UBR4: variants seen among roughly 807,000 people sequenced by gnomAD.
The protein encoded by UBR4 is E3 ubiquitin-protein ligase UBR4.
Under a neutral mutation model 575.6 loss-of-function variants are expected in UBR4, and 124 were observed. The observed-to-expected ratio is 0.22, with a 90% CI of 0.19 to 0.25. The LOEUF is 0.25. UBR4 is among the 10% of genes least tolerant of loss of function. The pLI is 1.00. For synonymous variants in UBR4, 2,455 were observed against 2,473.7 expected, an observed-to-expected ratio of 0.99 and a Z score of 0.22; for missense variants, 4,818 against 6,478.8, an observed-to-expected ratio of 0.74 and a Z score of 8.80.
intron 29 of UBR4, among the ~76,000 whole-genome samples, chr1:19,166,714 CAAAAAAAAAAAAAAAAAAAAAAAAA>C (rs535369262): frequency 0.23 from 16,776 of 73,856 alleles, 1,444 homozygotes; most frequent in Middle Eastern, 0.36. Flanking sequence ...CCATCTCTAC[CAAAAAAAAAAAAAAAAAAAAAAAAA>C]AAAAAAAAAA....
intron 52 of UBR4, 68 bp downstream of exon 52, chr1:19,146,758 T>C (rs988929625): frequency 1.4e-5 from 22 of 1,539,640 alleles, no homozygotes; most frequent in Non-Finnish European, 1.8e-5. Context: ...GTAAGAACAG[T>C]AAGAATGAGA....
Position 19,173,316 on chromosome 1 carries a change from C to T in UBR4, c.3166-10G>A, listed in dbSNP as rs1354306710. ...GTTTGATAAGGTGATCCTATTTGGA[C>T]AGCAAGAAAAAGTGTTTAGGAGATG... On this transcript the variant is annotated splice_polypyrimidine_tract_variant and intron_variant, in intron 23 of 105. Transcript: ENST00000375254. 1 of 1,613,620 alleles carries T rather than the reference C, an allele frequency of 6.2e-7. No homozygotes were observed. The highest frequency in any genetic ancestry group is 2.2e-5 in the East Asian group (1 of 44,886).
At position 19,117,799 on chromosome 1, in the gene UBR4, T is replaced by G. The variant is rs750466961; in HGVS notation, c.10629+24A>C. Reference sequence around the variant, plus strand: ...CCACTGGACCTATTGGCCTCAGGACTGTCCATGTACAGATGTTACTTACAC... The same window carrying G: ...CCACTGGACCTATTGGCCTCAGGACGGTCCATGTACAGATGTTACTTACAC... On this transcript the variant is annotated intron_variant, in intron 72 of 105. Coordinates refer to ENST00000375254, the MANE Select transcript of UBR4 (RefSeq NM_020765.3). The surrounding 1 kb of genome is among the most constrained non-coding windows in gnomAD (Gnocchi z 4.0). 6.2e-7 allele frequency: 1 copy of G among 1,608,370 alleles called. No homozygotes were observed.
rs941260400 is a variant in UBR4, at chr1:19,150,948, C to A, written c.7214-155G>T. 8 of 759,828 alleles carry A rather than the reference C, an allele frequency of 1.1e-5. No individual in the cohort carries two copies. In the African/African-American group the frequency reaches 1.4e-4, roughly 13 times the overall value. The allele number at this position is 759,828 out of a possible 1,614,324, so 47.1% of individuals were successfully genotyped here. A position where few individuals can be genotyped will look rare whatever the true frequency, so the allele number is the denominator to read the frequency against. ...TCTGAGATATTTGCAGCACTTTAATCGTGTATATATGCTGAATACATGTGG... is the reference window on the plus strand; with the variant it reads ...TCTGAGATATTTGCAGCACTTTAATAGTGTATATATGCTGAATACATGTGG... On this transcript the variant is annotated intron_variant, in intron 48 of 105. Coordinates refer to ENST00000375254, the MANE Select transcript of UBR4 (RefSeq NM_020765.3).
Position 19,157,852 on chromosome 1 carries a change from C to T in UBR4, c.5723G>A (p.Arg1908His), listed in dbSNP as rs763589383. The T allele has an allele frequency of 1.2e-6, 2 of 1,614,138 alleles. No homozygotes were observed. The highest frequency in any genetic ancestry group is 1.7e-6 in the Non-Finnish European group (2 of 1,179,986). ...AMCVLSSPHG[R>H]RQHLAVSHEK... ...ATGGCTGACAGCCAAATGTTGGCGG[C>T]GCCCATGGGGAGAGGAGAGCACACA... Residue 1908 changes from arginine to histidine, a missense_variant, in exon 40 of 106, where the codon CGC (arginine) becomes CAC (histidine). Coordinates refer to ENST00000375254, the MANE Select transcript of UBR4 (RefSeq NM_020765.3). The surrounding 1 kb of genome is among the most constrained non-coding windows in gnomAD (Gnocchi z 4.4).
chr1:19,100,361 T>A lies in UBR4; in HGVS notation c.13221+15A>T. ...CTAATCGTAAACGTGGGCAGCACTG[T>A]CCTATGGTCATTACCTCCATGCCAC... is the stretch of plus-strand genomic sequence containing the variant. On this transcript the variant is annotated intron_variant, in intron 89 of 105. Transcript: ENST00000375254. The surrounding 1 kb of genome is among the most constrained non-coding windows in gnomAD (Gnocchi z 4.2). The A allele has an allele frequency of 6.2e-7, 1 of 1,613,856 alleles. No homozygotes were observed. The highest frequency in any genetic ancestry group is 1.3e-5 in the African/African-American group (1 of 75,036).
In UBR4 at chr1:19,078,035, C is replaced by T. The variant is rs761245374; in HGVS notation, c.15265G>A (p.Ala5089Thr). The part of the protein sequence containing the change: ...LTDKAVKDYS[A>T]YRSSLLFWAL... ...CAAAAGAGAAGGGAAGAACGGTAAG[C>T]GGAATAGTCCTTCACTGCCTTATCT... The change falls in exon 104 of 106, where the codon GCT becomes ACT. Residue 5089 changes from alanine to threonine, a missense_variant. By Grantham distance (58) the Ala-to-Thr change is moderately conservative. Transcript: ENST00000375254. 1.2e-5 allele frequency: 20 copies of T among 1,613,810 alleles called. No homozygotes were observed. The highest frequency in any genetic ancestry group is 2.2e-5 in the East Asian group (1 of 44,884).
chr1:19,206,187 C>T (rs190135331), intron 1 of UBR4, among the ~76,000 whole-genome samples: 4 of 152,216 alleles, frequency 2.6e-5, no homozygotes, highest in East Asian at 3.9e-4. Flanking sequence ...AAGCTGGGCC[C>T]GGTGGTGGGA....
Position 19,129,609 on chromosome 1 carries a change from T to C in UBR4, c.8907-535A>G, listed in dbSNP as rs139590299. Among the ~76,000 whole-genome samples, 850 of 152,306 alleles carry C rather than the reference T, an allele frequency of 5.6e-3. 5 individuals are homozygous for C. Among genetic ancestry groups the C allele is most frequent in the Non-Finnish European group, 8.9e-3 (607 of 68,016 alleles). On this transcript the variant is annotated intron_variant, in intron 60 of 105. Transcript: ENST00000375254. ...CTTGTCCACCATCTTCCTAATATAA[T>C]GTTCTGTTTCAATGCCACACTGTCC...
At chr1:19,155,875 CATAA>C (rs1423560701) in intron 42 of UBR4, among the ~76,000 whole-genome samples, 1 of 152,184 alleles carries the variant, frequency 6.6e-6, no homozygotes, top group African/African-American at 2.4e-5. Context: ...GACAGACATA[CATAA>C]ATAAATTCTG....
Position 19,164,236 on chromosome 1 carries a change from C to T in UBR4, c.4700+17G>A. 2 of 1,606,168 alleles carry T rather than the reference C, an allele frequency of 1.2e-6. No homozygotes were observed. The highest frequency in any genetic ancestry group is 8.5e-7 in the Non-Finnish European group (1 of 1,174,336). On this transcript the variant is annotated intron_variant, in intron 33 of 105. Transcript: ENST00000375254. ...AGATCAATGTTGTAACCTACAGATA[C>T]AACTTCATCATCTTACCATCTGCTC...
chr1:19,111,127 C>T (rs1348492052), intron 78 of UBR4, among the ~76,000 whole-genome samples: 1 of 152,204 alleles, frequency 6.6e-6, no homozygotes, highest in Non-Finnish European at 1.5e-5. Context: ...TGGTGTGACA[C>T]AGTCTCCAAA....
At chr1:19,174,510 T>G (rs1347078857) in intron 21 of UBR4, 63 bp from the exon 22 acceptor site, 1 of 1,572,242 alleles carries the variant, frequency 6.4e-7, no homozygotes, top group Non-Finnish European at 8.6e-7. Context: ...CTACTGCCTA[T>G]ACACTATCAC....
intron 25 of UBR4, among the ~76,000 whole-genome samples, chr1:19,172,383 G>A (rs929864114): frequency 6.6e-6 from 1 of 152,062 alleles, no homozygotes; most frequent in Non-Finnish European, 1.5e-5. Flanking sequence ...CAGGCACGGT[G>A]GTGCATGCCT....
chr1:19,163,797 A>G lies in UBR4; in HGVS notation c.4731T>C (p.Val1577=). 3.1e-6 allele frequency: 5 copies of G among 1,614,174 alleles called. No homozygotes were observed. Among genetic ancestry groups the G allele is most frequent in the Non-Finnish European group, 4.2e-6 (5 of 1,180,014 alleles). The change falls in exon 34 of 106, where the codon GTT becomes GTC. Residue 1577 remains valine, a synonymous_variant. Coordinates refer to ENST00000375254, the MANE Select transcript of UBR4 (RefSeq NM_020765.3). ...CKKYLSQKNV[V]EKLNANVMHG... ...GCATTACATTGGCATTCAGTTTTTC[A>G]ACTACATTCTTCTGTGACAGGTATT... is the stretch of plus-strand genomic sequence containing the variant.
At chr1:19,140,526 A>T (rs529705103) in intron 58 of UBR4, among the ~76,000 whole-genome samples, 1 of 152,394 alleles carries the variant, frequency 6.6e-6, no homozygotes, top group African/African-American at 2.4e-5. Flanking sequence ...GTAGCTGATC[A>T]GCCTGCATGC....
chr1:19,104,853 A>G (rs941197555), intron 85 of UBR4, 187 bp from the exon 86 acceptor site: 4 of 1,113,144 alleles, frequency 3.6e-6, no homozygotes, highest in South Asian at 1.6e-5. Flanking sequence ...TAAAAACTGT[A>G]AACAGTCCAA....
At chr1:19,132,570 T>C (rs1232029285) in intron 60 of UBR4, among the ~76,000 whole-genome samples, 8 of 23,086 alleles carry the variant, frequency 3.5e-4, no homozygotes, top group African/African-American at 1.1e-3. Flanking sequence ...ACAGGAACAA[T>C]AGAACAATAA....
In UBR4 at chr1:19,100,422, T is replaced by C. The variant is rs764340694; in HGVS notation, c.13175A>G (p.Gln4392Arg). Residue 4392 changes from glutamine (Q) to arginine (R), a missense_variant, in exon 89 of 106, where the codon CAG becomes CGG. Gln to Arg is a conservative substitution (Grantham distance 43, BLOSUM62 1). Around this residue, in one of 29 missense-constraint regions of UBR4, gnomAD observed 105 missense variants for 232.8 expected, o/e 0.45. Transcript: ENST00000375254. The surrounding 1 kb of genome is among the most constrained non-coding windows in gnomAD (Gnocchi z 4.2). ...CAGGAGGGCCACTAAGTCACAGTCCTGGCAAATCTTGTTCTTTATATCCCT... is the reference window on the plus strand; with the variant it reads ...CAGGAGGGCCACTAAGTCACAGTCCCGGCAAATCTTGTTCTTTATATCCCT... ...LMRDIKNKIC[Q>R]DCDLVALLED... 1 of 1,614,210 alleles carries C rather than the reference T, an allele frequency of 6.2e-7. No homozygotes were observed. The highest frequency in any genetic ancestry group is 8.5e-7 in the Non-Finnish European group (1 of 1,180,036).
Sources: allele counts gnomAD v4.1 joint callset (sites outside exome capture counted in the v4.1 genomes callset), GRCh38; gene constraint gnomAD v4.1.1; regional missense constraint gnomAD v4.1.1; non-coding constraint Gnocchi (gnomAD v3.1); transcripts MANE v1.5; gene names NCBI Gene and HGNC (gene_info 2026-07-23, HGNC 2026-07-21).